The following MGMT variants were observed in gnomAD, a reference collection of about 807,000 sequenced individuals.
MGMT encodes the protein O-6-methylguanine-DNA methyltransferase.
A neutral mutation model predicts 15.9 loss-of-function variants in MGMT; 14 were observed. The observed-to-expected ratio is 0.88, with a 90% confidence interval of 0.58 to 1.37. MGMT has a LOEUF of 1.37. Among genes scored for constraint, MGMT ranks in the 40% most tolerant of loss-of-function variants. The pLI, the probability that MGMT is intolerant of heterozygous loss-of-function variation, is 0.00. For synonymous variants in MGMT, 130 were observed against 118.2 expected, an observed-to-expected ratio of 1.10 and a Z score of -0.65; for missense variants, 282 against 268.1, an observed-to-expected ratio of 1.05 and a Z score of -0.36.
intron 2 of MGMT, among the ~76,000 whole-genome samples, chr10:129,606,433 A>T (rs1277598037): frequency 6.6e-6 from 1 of 152,292 alleles, no homozygotes; most frequent in South Asian, 2.1e-4. Context: ...TTCCTGCCGT[A>T]TTAGGGAGCA....
intron 2 of MGMT, among the ~76,000 whole-genome samples, chr10:129,547,638 C>T (rs902590351): frequency 6.6e-6 from 1 of 152,192 alleles, no homozygotes; most frequent in African/African-American, 2.4e-5. Context: ...CACATTACTG[C>T]TTTCAAAGCT....
At chr10:129,741,168 C>T (rs771982822) in intron 3 of MGMT, among the ~76,000 whole-genome samples, 22 of 152,152 alleles carry the variant, frequency 1.4e-4, no homozygotes, top group Admixed American at 6.5e-4. Context: ...GAAAGTCAGC[C>T]TCCCCAGCCC....
At chr10:129,656,947 C>T (rs1345904607) in intron 2 of MGMT, among the ~76,000 whole-genome samples, 1 of 152,038 alleles carries the variant, frequency 6.6e-6, no homozygotes, top group Non-Finnish European at 1.5e-5. Context: ...GGCTTCTTAA[C>T]CCAAAAGAAC....
At chr10:129,677,141 A>C (rs188949327) in intron 2 of MGMT, among the ~76,000 whole-genome samples, 17 of 150,760 alleles carry the variant, frequency 1.1e-4, no homozygotes, top group African/African-American at 4.2e-4. Flanking sequence ...CTGAAGACTG[A>C]TAGGAGTTGA....
At chr10:129,740,509 C>T (rs558176525) in intron 3 of MGMT, among the ~76,000 whole-genome samples, 22 of 152,318 alleles carry the variant, frequency 1.4e-4, no homozygotes, top group Non-Finnish European at 2.4e-4. Context: ...TCTGCACTGT[C>T]CTTTCCACAT....
chr10:129,664,511 A>G (rs1380100464), intron 2 of MGMT, among the ~76,000 whole-genome samples: 2 of 152,212 alleles, frequency 1.3e-5, no homozygotes, highest in African/African-American at 4.8e-5. Flanking sequence ...ATATGTACAC[A>G]CTTCTTCCAG....
chr10:129,497,805 G>T (rs1845537557), intron 1 of MGMT, among the ~76,000 whole-genome samples: 1 of 152,184 alleles, frequency 6.6e-6, no homozygotes, highest in South Asian at 2.1e-4. Context: ...AGGACTGAGG[G>T]AGCTCACTGT....
chr10:129,615,166 T>G (rs1376552517), intron 2 of MGMT, among the ~76,000 whole-genome samples: 1 of 152,174 alleles, frequency 6.6e-6, no homozygotes, highest in East Asian at 1.9e-4. Flanking sequence ...AGCTGTGATT[T>G]TAAGTGAAAG....
chr10:129,573,839 ATGT>A (rs534773377), intron 2 of MGMT, among the ~76,000 whole-genome samples: 177 of 152,318 alleles, frequency 1.2e-3, no homozygotes, highest in African/African-American at 3.9e-3. Flanking sequence ...AGGTTATTTA[ATGT>A]TGTTATAAAA....
At chr10:129,718,848 G>A (rs1356029084) in intron 3 of MGMT, among the ~76,000 whole-genome samples, 1 of 151,960 alleles carries the variant, frequency 6.6e-6, no homozygotes, top group Non-Finnish European at 1.5e-5. Context: ...GAGGCAGTCT[G>A]TATGCTTGCT....
intron 3 of MGMT, among the ~76,000 whole-genome samples, chr10:129,737,286 C>T (rs561113102): frequency 7.2e-5 from 11 of 152,232 alleles, no homozygotes; most frequent in East Asian, 1.9e-4. Context: ...CTAAACTTCT[C>T]GCTTCATTTC....
chr10:129,601,933 G>A (rs920328223), intron 2 of MGMT, among the ~76,000 whole-genome samples: 5 of 152,084 alleles, frequency 3.3e-5, no homozygotes, highest in African/African-American at 7.2e-5. Flanking sequence ...GAAATTCCCC[G>A]TAGTTCATTG....
chr10:129,663,948 C>T lies in MGMT; in HGVS notation c.126-43947C>T, dbSNP rs116158538. ...AGCATAAGAAATGAAGGGAAACGTC[C>T]CATATTTTTTATGCAGCAAGTACAA... On this transcript the variant is annotated intron_variant, in intron 2 of 4. Transcript: ENST00000651593. 7.3e-3 allele frequency among the ~76,000 whole-genome samples: 1,115 copies of T among 152,138 alleles called. 7 individuals are homozygous for T. Among genetic ancestry groups the T allele is most frequent in the African/African-American group, 0.026 (1,061 of 41,508 alleles).
At position 129,566,625 on chromosome 10, in the gene MGMT, G is replaced by GTGGGATTTT. The variant is rs1324313148; in HGVS notation, c.125+30251_125+30259dup. On this transcript the variant is annotated intron_variant, in intron 2 of 4. Coordinates refer to ENST00000651593, the MANE Select transcript of MGMT (RefSeq NM_002412.5). The surrounding 1 kb of genome is among the most constrained non-coding windows in gnomAD (Gnocchi z 4.1). ...CATTCCTACACATACCCCTTTGCCC[G>GTGGGATTTT]TGGGATTTTTGCTGTTTCTCTTCTC... 1.3e-5 allele frequency among the ~76,000 whole-genome samples: 2 copies of GTGGGATTTT among 152,054 alleles called. No individual in the cohort carries two copies. The highest frequency in any genetic ancestry group is 2.9e-5 in the Non-Finnish European group (2 of 68,002).
chr10:129,714,057 G>A (rs1278636058), intron 3 of MGMT, among the ~76,000 whole-genome samples: 1 of 152,240 alleles, frequency 6.6e-6, no homozygotes, highest in Non-Finnish European at 1.5e-5. Flanking sequence ...GCTGCTCCAG[G>A]TTGGGGGCTC....
intron 2 of MGMT, among the ~76,000 whole-genome samples, chr10:129,619,141 T>C (rs1847061960): frequency 6.6e-6 from 1 of 152,206 alleles, no homozygotes; most frequent in African/African-American, 2.4e-5. Context: ...GTTCTATTCT[T>C]GTAGGCTGAG....
At chr10:129,521,102 C>T (rs2119724731) in intron 1 of MGMT, among the ~76,000 whole-genome samples, 1 of 152,284 alleles carries the variant, frequency 6.6e-6, no homozygotes, top group East Asian at 1.9e-4. Flanking sequence ...CTCCTGGAAG[C>T]AGTTTCAGGG....
chr10:129,547,834 G>T (rs923497432), intron 2 of MGMT, among the ~76,000 whole-genome samples: 1 of 152,160 alleles, frequency 6.6e-6, no homozygotes, highest in Non-Finnish European at 1.5e-5. Flanking sequence ...CATTCTAGAG[G>T]CATCTTCTAA....
intron 2 of MGMT, among the ~76,000 whole-genome samples, chr10:129,549,400 A>T (rs187697636): frequency 6.6e-6 from 1 of 152,330 alleles, no homozygotes; most frequent in African/African-American, 2.4e-5. Context: ...AGAAATTGAC[A>T]AACAACTTTA....
Sources: gnomAD v4.1 joint callset for allele counts (sites outside exome capture counted in the v4.1 genomes callset) on GRCh38, gnomAD v4.1.1 for gene constraint, Gnocchi (gnomAD v3.1) non-coding constraint, MANE v1.5 for transcripts, NCBI Gene and HGNC (gene_info 2026-07-23, HGNC 2026-07-21) for gene names.